NEGR1: variants seen among roughly 807,000 people sequenced by gnomAD.
NEGR1 encodes neuronal growth regulator 1.
A neutral mutation model predicts 40.9 loss-of-function variants in NEGR1; 10 were observed. The observed-to-expected ratio is 0.24, with a 90% CI of 0.15 to 0.42. NEGR1 has a LOEUF of 0.42. NEGR1 is among the 10% of genes least tolerant of loss of function. The pLI is 1.00. For synonymous variants in NEGR1, 185 were observed against 166.8 expected (o/e 1.11, Z -0.84); for missense variants, 352 against 438.9 (o/e 0.80, Z 1.77).
chr1:72,132,775 T>A (rs1226957129), intron 1 of NEGR1, among the ~76,000 whole-genome samples: 1 of 152,148 alleles, frequency 6.6e-6, no homozygotes, highest in Admixed American at 6.6e-5. Context: ...AATAGGATTA[T>A]TTTAAAACTG....
intron 6 of NEGR1, among the ~76,000 whole-genome samples, chr1:71,538,588 C>G (rs1647586543): frequency 6.6e-6 from 1 of 151,514 alleles, no homozygotes; most frequent in Non-Finnish European, 1.5e-5. Flanking sequence ...GATGAAGCCT[C>G]AGGAGACAAA....
intron 2 of NEGR1, among the ~76,000 whole-genome samples, chr1:71,861,735 G>T (rs1050018881): frequency 2.0e-5 from 3 of 152,092 alleles, no homozygotes; most frequent in African/African-American, 7.2e-5. Flanking sequence ...GTAAACTACA[G>T]TTATTAGGAG....
intron 6 of NEGR1, among the ~76,000 whole-genome samples, chr1:71,534,208 T>C (rs1360250250): frequency 2.0e-5 from 3 of 151,720 alleles, no homozygotes; most frequent in Non-Finnish European, 4.4e-5. Context: ...GAACTCTTGG[T>C]TTTTCTCTGA....
intron 3 of NEGR1, among the ~76,000 whole-genome samples, chr1:71,730,982 A>G (rs796304946): frequency 6.6e-6 from 1 of 151,750 alleles, no homozygotes; most frequent in African/African-American, 2.4e-5. Flanking sequence ...GTCAATAGCA[A>G]GTAAGAAATT....
intron 1 of NEGR1, among the ~76,000 whole-genome samples, chr1:72,265,948 GA>G (rs1220454021): frequency 6.6e-6 from 1 of 150,678 alleles, no homozygotes; most frequent in Non-Finnish European, 1.5e-5. Flanking sequence ...CTCTAGAATT[GA>G]AGTGATTTTA....
At chr1:71,577,430 G>A (rs748544850) in intron 6 of NEGR1, among the ~76,000 whole-genome samples, 13 of 152,128 alleles carry the variant, frequency 8.5e-5, no homozygotes, top group African/African-American at 2.7e-4. Flanking sequence ...AATGTTGGAG[G>A]AGAAGCCAAG....
chr1:72,032,834 A>C (rs1409448322), intron 1 of NEGR1, among the ~76,000 whole-genome samples: 1 of 152,158 alleles, frequency 6.6e-6, no homozygotes, highest in Non-Finnish European at 1.5e-5. Flanking sequence ...ATTTAGTTAA[A>C]TACTTTGAGA....
chr1:71,505,627 A>C (rs1453472623), intron 6 of NEGR1, among the ~76,000 whole-genome samples: 1 of 152,170 alleles, frequency 6.6e-6, no homozygotes, highest in African/African-American at 2.4e-5. Flanking sequence ...GAAGTGGTTC[A>C]GTGTGGTGGA....
intron 2 of NEGR1, among the ~76,000 whole-genome samples, chr1:71,837,547 G>T (rs1659084030): frequency 6.6e-6 from 1 of 151,950 alleles, no homozygotes; most frequent in Non-Finnish European, 1.5e-5. Context: ...AGTCACGTTT[G>T]TTGCCCTCTT....
chr1:71,613,886 A>G (rs1650355071), intron 4 of NEGR1, among the ~76,000 whole-genome samples: 1 of 152,144 alleles, frequency 6.6e-6, no homozygotes, highest in Non-Finnish European at 1.5e-5. Context: ...TTTGGAAAGC[A>G]ATTAAAAAGT....
At chr1:72,110,255 T>C (rs1239085461) in intron 1 of NEGR1, among the ~76,000 whole-genome samples, 1 of 146,082 alleles carries the variant, frequency 6.8e-6, no homozygotes, top group African/African-American at 2.5e-5. Flanking sequence ...ATTGTGTGTA[T>C]AAAAATTATA....
intron 1 of NEGR1, among the ~76,000 whole-genome samples, chr1:72,027,288 G>A (rs956266914): frequency 3.9e-5 from 6 of 152,102 alleles, no homozygotes; most frequent in Non-Finnish European, 5.9e-5. Context: ...CTACCGGCCT[G>A]AATGTTTGGT....
chr1:71,856,203 T>C (rs1428877725), intron 2 of NEGR1, among the ~76,000 whole-genome samples: 1 of 152,052 alleles, frequency 6.6e-6, no homozygotes, highest in Non-Finnish European at 1.5e-5. Context: ...CAGTCATCTA[T>C]CCAAGTAAGT....
intron 2 of NEGR1, among the ~76,000 whole-genome samples, chr1:71,929,695 G>A (rs1371546017): frequency 6.7e-6 from 1 of 149,486 alleles, no homozygotes. Context: ...ATTGTCCAAT[G>A]TATGTAGTAT....
At chr1:72,094,570 C>A (rs1648626681) in intron 1 of NEGR1, among the ~76,000 whole-genome samples, 1 of 152,208 alleles carries the variant, frequency 6.6e-6, no homozygotes, top group Admixed American at 6.5e-5. Context: ...CCCTCCAATT[C>A]AGAGAGACTG....
rs530351663 is a variant in NEGR1, at chr1:71,626,318, G to A, written c.668-15172C>T. On this transcript the variant is annotated intron_variant, in intron 4 of 6. Coordinates refer to ENST00000357731, the MANE Select transcript of NEGR1 (RefSeq NM_173808.3). ...GTTGGTGTGCTGCACCCATTAACTC[G>A]TCATTTAATATTAGGTATATCTCTT... Among the ~76,000 whole-genome samples the A allele has an allele frequency of 4.2e-4, 64 of 151,660 alleles. 1 individual carries two copies. Among genetic ancestry groups the A allele is most frequent in the South Asian group, 6.2e-4 (3 of 4,802 alleles).
At chr1:71,728,361 T>C (rs573298518) in intron 3 of NEGR1, among the ~76,000 whole-genome samples, 2 of 152,072 alleles carry the variant, frequency 1.3e-5, no homozygotes, top group East Asian at 3.9e-4. Flanking sequence ...ATTAGGGAGA[T>C]GAAACTAGAA....
chr1:72,120,662 A>G (rs374924939), intron 1 of NEGR1, among the ~76,000 whole-genome samples: 3 of 150,924 alleles, frequency 2.0e-5, no homozygotes, highest in African/African-American at 7.3e-5. Flanking sequence ...CCTCCCCACT[A>G]CCTCCACCCC....
chr1:72,274,576 G>C (rs1557609384), intron 1 of NEGR1: 6 of 768,680 alleles, frequency 7.8e-6, no homozygotes, highest in Non-Finnish European at 1.2e-5. Flanking sequence ...TGAGTCTTTG[G>C]CAAGATATGG....
Sources: allele counts gnomAD v4.1 joint callset (sites outside exome capture counted in the v4.1 genomes callset), GRCh38; gene constraint gnomAD v4.1.1; transcripts MANE v1.5; gene names NCBI Gene and HGNC (gene_info 2026-07-23, HGNC 2026-07-21).